Variants in RYR3 observed in about 807,000 individuals in gnomAD.
RYR3 encodes the protein brain ryanodine receptor-calcium release channel.
RYR3 carries 207 observed loss-of-function variants against 584.3 expected under a neutral mutation model. The ratio of observed to expected loss-of-function variants is 0.35; its 90% confidence interval spans 0.32 to 0.40. RYR3 has a LOEUF of 0.40. Ranked by LOEUF, RYR3 falls within the 10% of genes least tolerant of loss-of-function variation. RYR3 has a pLI of 1.00. For missense variants in RYR3, 5,616 were observed against 6,089.2 expected (o/e 0.92, Z 2.59); for synonymous variants, 2,416 against 2,248.5 (o/e 1.07, Z -2.11).
chr15:33,742,563 G>T, intron 52 of RYR3, 119 bp downstream of exon 52: 1 of 703,640 alleles, frequency 1.4e-6, no homozygotes, highest in South Asian at 1.7e-5. Context: ...CATGCCGAGA[G>T]CATTCATTAT....
intron 1 of RYR3, among the ~76,000 whole-genome samples, chr15:33,331,846 T>C (rs916489461): frequency 6.6e-6 from 1 of 152,044 alleles, no homozygotes; most frequent in Non-Finnish European, 1.5e-5. Flanking sequence ...GTGGGGTTAA[T>C]AAAACCAGTA....
intron 19 of RYR3, among the ~76,000 whole-genome samples, 194 bp from the exon 20 acceptor site, chr15:33,623,613 G>C (rs2152603497): frequency 6.6e-6 from 1 of 152,302 alleles, no homozygotes. Context: ...CTGAGGATCA[G>C]CCTTGATGCT....
chr15:33,643,118 T>C (rs537200921), intron 27 of RYR3, among the ~76,000 whole-genome samples: 1 of 152,312 alleles, frequency 6.6e-6, no homozygotes, highest in Admixed American at 6.5e-5. Flanking sequence ...TACTGTTAGA[T>C]GTAAATGCTC....
rs114687500 is a variant in RYR3, at chr15:33,701,715, G to A, written c.6483+635G>A. ...ATCAAAGGTCATCATTATGTAGGGG[G>A]TTTGGGAGCACACGGAAAAGGGCAC... On this transcript the variant is annotated intron_variant, in intron 42 of 103. Transcript: ENST00000634891. Among the ~76,000 whole-genome samples, 408 of 152,220 alleles carry A rather than the reference G, an allele frequency of 2.7e-3. 1 individual carries two copies. Among genetic ancestry groups the A allele is most frequent in the African/African-American group, 9.4e-3 (391 of 41,526 alleles).
rs668570 is a variant in RYR3 at position 33,581,456 on chromosome 15, C to A, written c.1438-52C>A. 32 of 1,580,050 alleles carry A rather than the reference C, an allele frequency of 2.0e-5. No homozygotes were observed. The South Asian group carries it at 3.4e-4, about 17-fold the overall frequency. The stretch of plus-strand genomic sequence containing the variant: ...ACAGGAGGGGAAAGAGCATAAGGGA[C>A]TGTGCTTTCTTAATCAGCAATGTTT... On this transcript the variant is annotated intron_variant, in intron 13 of 103. Transcript: ENST00000634891.
At chr15:33,707,089 A>G in intron 43 of RYR3, 35 bp downstream of exon 43, 1 of 1,610,642 alleles carries the variant, frequency 6.2e-7, no homozygotes, top group Non-Finnish European at 8.5e-7. Flanking sequence ...TCTTATACCC[A>G]GAATAGCATG....
At chr15:33,830,805 A>G in intron 85 of RYR3, 158 bp from the exon 86 acceptor site, 1 of 605,806 alleles carries the variant, frequency 1.7e-6, no homozygotes. Flanking sequence ...AAGATCCTAG[A>G]GACCTGGTAT....
chr15:33,386,586 A>G (rs2596206), intron 1 of RYR3, among the ~76,000 whole-genome samples: 115,831 of 152,046 alleles, frequency 0.76, 44,233 homozygotes, highest in Non-Finnish European at 0.79. Flanking sequence ...GTACAGTTCA[A>G]TATTGCTAAG....
chr15:33,740,924 TTAAG>T (rs2070029507), intron 51 of RYR3, among the ~76,000 whole-genome samples: 2 of 152,194 alleles, frequency 1.3e-5, no homozygotes, highest in South Asian at 2.1e-4. Flanking sequence ...GAAACTGCTG[TTAAG>T]TAAGAGGTAA....
intron 1 of RYR3, among the ~76,000 whole-genome samples, chr15:33,416,161 C>T (rs1359330467): frequency 6.6e-6 from 1 of 152,178 alleles, no homozygotes; most frequent in Non-Finnish European, 1.5e-5. Context: ...CTGCAGTGAA[C>T]ATAATGAGTG....
At chr15:33,354,295 T>A (rs763764939) in intron 1 of RYR3, among the ~76,000 whole-genome samples, 10 of 152,198 alleles carry the variant, frequency 6.6e-5, no homozygotes, top group Non-Finnish European at 1.5e-4. Context: ...TTTCTTAGTG[T>A]TCCTATCCAC....
At chr15:33,378,115 T>C (rs2141160601) in intron 1 of RYR3, among the ~76,000 whole-genome samples, 1 of 152,344 alleles carries the variant, frequency 6.6e-6, no homozygotes, top group Middle Eastern at 3.4e-3. Flanking sequence ...AGTATATATA[T>C]GGTCCTTAGC....
intron 34 of RYR3, 126 bp from the exon 35 acceptor site, chr15:33,662,027 A>C: frequency 1.4e-6 from 1 of 698,864 alleles, no homozygotes; most frequent in Non-Finnish European, 2.4e-6. Context: ...ATAAGCCATA[A>C]GAGAAACTGT....
intron 1 of RYR3, among the ~76,000 whole-genome samples, chr15:33,326,187 T>C (rs191144768): frequency 9.2e-4 from 140 of 152,260 alleles, no homozygotes; most frequent in Admixed American, 2.2e-3. Flanking sequence ...AGCTACTATC[T>C]TCTAAAAGAA....
chr15:33,607,160 T>A (rs896494506), intron 18 of RYR3, among the ~76,000 whole-genome samples: 5 of 152,210 alleles, frequency 3.3e-5, no homozygotes, highest in Non-Finnish European at 7.3e-5. Context: ...AATGGCTAAA[T>A]ATTTGTGCTT....
chr15:33,736,300 A>T lies in RYR3; in HGVS notation c.7490A>T (p.Asn2497Ile), dbSNP rs61996331. The T allele has an allele frequency of 1.6e-5, 26 of 1,612,506 alleles. No individual in the cohort carries two copies. Among genetic ancestry groups the T allele is most frequent in the Non-Finnish European group, 2.2e-5 (26 of 1,179,228 alleles). Residue 2497 changes from asparagine to isoleucine, a missense_variant, in exon 49 of 104, where the codon AAT becomes ATT. Asn to Ile is a moderately radical substitution (Grantham distance 149). Transcript: ENST00000634891. Reference protein sequence around the residue: ...RRLVFDVPQLNEYCKMPLKLL... With the variant: ...RRLVFDVPQLIEYCKMPLKLL... ...CTCGTTTTTGATGTGCCGCAACTCA[A>T]TGAATACTGCAAAATGCCTCTCAAG...
intron 1 of RYR3, among the ~76,000 whole-genome samples, chr15:33,453,102 A>T (rs1170742784): frequency 6.6e-6 from 1 of 152,000 alleles, no homozygotes; most frequent in Non-Finnish European, 1.5e-5. Context: ...CTGCAGGCCA[A>T]AGCTTCAAAA....
intron 43 of RYR3, among the ~76,000 whole-genome samples, chr15:33,713,469 G>A (rs1425822496): frequency 1.3e-5 from 2 of 151,872 alleles, no homozygotes; most frequent in African/African-American, 2.4e-5. Flanking sequence ...TCATATAGGG[G>A]GGTTATAAGG....
At chr15:33,718,128 C>T (rs2067639275) in intron 43 of RYR3, among the ~76,000 whole-genome samples, 2 of 152,224 alleles carry the variant, frequency 1.3e-5, no homozygotes, top group African/African-American at 4.8e-5. Flanking sequence ...TCAGTACATT[C>T]ATTCATGCTG....
Sources: allele counts gnomAD v4.1 joint callset (sites outside exome capture counted in the v4.1 genomes callset), GRCh38; gene constraint gnomAD v4.1.1; transcripts MANE v1.5; gene names NCBI Gene and HGNC (gene_info 2026-07-23, HGNC 2026-07-21).